Variants in PRKAB2 observed in about 807,000 individuals in gnomAD.
PRKAB2 encodes 5'-AMP-activated protein kinase subunit beta-2.
Under a neutral mutation model 29.8 loss-of-function variants are expected in PRKAB2, and 18 were observed. The observed-to-expected ratio is 0.60, with a 90% CI of 0.42 to 0.89. The LOEUF (loss-of-function observed/expected upper bound fraction) is 0.89. Among genes scored for constraint, PRKAB2 ranks in the 40% least tolerant of loss-of-function variants. The probability of loss-of-function intolerance (pLI) is 0.00; values close to 1 mark genes in which losing one functional copy is unlikely to be tolerated. For synonymous variants in PRKAB2, 136 were observed against 125.9 expected, an observed-to-expected ratio of 1.08 and a Z score of -0.54; for missense variants, 270 against 344.3, an observed-to-expected ratio of 0.78 and a Z score of 1.71.
chr1:147,159,277 G>A lies in PRKAB2; in HGVS notation c.*288C>T. 1 of 378,882 alleles carries A rather than the reference G, an allele frequency of 2.6e-6. No individual in the cohort carries two copies. Among genetic ancestry groups the A allele is most frequent in the Non-Finnish European group, 4.7e-6 (1 of 210,628 alleles). 23.5% of individuals were successfully genotyped at this position (378,882 alleles called of 1,614,324 possible). On this transcript the variant is annotated 3_prime_UTR_variant, in exon 8 of 8. Coordinates refer to ENST00000254101, the MANE Select transcript of PRKAB2 (RefSeq NM_005399.5). Reference sequence around the variant, plus strand: ...TTATTCCTGCAGCGCCCCCAAACAGGTCTTGGTGAAAACCCACAGGCAGAA... The same window carrying A: ...TTATTCCTGCAGCGCCCCCAAACAGATCTTGGTGAAAACCCACAGGCAGAA...
intron 7 of PRKAB2, among the ~76,000 whole-genome samples, chr1:147,159,861 A>G (rs1383125160): frequency 1.3e-5 from 2 of 152,120 alleles, no homozygotes; most frequent in Non-Finnish European, 2.9e-5. Context: ...TTATCTCATC[A>G]TTACAAAAGA....
intron 7 of PRKAB2, 46 bp from the exon 8 acceptor site, chr1:147,159,688 G>A: frequency 6.5e-7 from 1 of 1,534,300 alleles, no homozygotes; most frequent in Non-Finnish European, 9.0e-7. Flanking sequence ...ACTTCAGACA[G>A]TAGGTAGCTC....
At chr1:147,170,949 A>G (rs1654511111) in intron 2 of PRKAB2, among the ~76,000 whole-genome samples, 1 of 152,176 alleles carries the variant, frequency 6.6e-6, no homozygotes, top group Non-Finnish European at 1.5e-5. Context: ...TGCTACCAAT[A>G]TGGCAAACAA....
intron 5 of PRKAB2, among the ~76,000 whole-genome samples, chr1:147,163,737 G>A (rs587684625): frequency 6.6e-6 from 1 of 152,100 alleles, no homozygotes; most frequent in East Asian, 1.9e-4. Context: ...TTATTCTGCG[G>A]GTGATAAAAA....
intron 5 of PRKAB2, 53 bp from the exon 6 acceptor site, chr1:147,162,626 C>A (rs1553913221): frequency 1.3e-6 from 2 of 1,525,062 alleles, no homozygotes; most frequent in African/African-American, 1.4e-5. Context: ...AGCAAGAATG[C>A]ATGGAAAAAG....
chr1:147,169,387 G>C (rs1654405697), intron 2 of PRKAB2, among the ~76,000 whole-genome samples: 1 of 152,150 alleles, frequency 6.6e-6, no homozygotes, highest in Non-Finnish European at 1.5e-5. Flanking sequence ...CATATTCTCA[G>C]AACAATGCAC....
rs1653848680 is a variant in PRKAB2 at position 147,159,595 on chromosome 1, A to G, written c.789T>C (p.Tyr263=). The G allele has an allele frequency of 6.2e-7, 1 of 1,613,450 alleles. No homozygotes were observed. Among genetic ancestry groups the G allele is most frequent in the Non-Finnish European group, 8.5e-7 (1 of 1,179,696 alleles). Residue 263 remains tyrosine, a synonymous_variant, in exon 8 of 8, where the codon TAT becomes TAC. Coordinates refer to ENST00000254101, the MANE Select transcript of PRKAB2 (RefSeq NM_005399.5). The part of the protein sequence containing the change: ...LSATHRYKKK[Y]VTTLLYKPI ...TGGGCTTGTATAGCAGAGTAGTAAC[A>G]TACTTCTTCTTGTAGCGATGGGTTG...
In PRKAB2 at chr1:147,159,360, T is replaced by A. The variant is rs587659739; in HGVS notation, c.*205A>T. ...ATTTACCTTCTTCTCATATGTATAT[T>A]TTTTTTTCTTAAAATAAATTCCGTG... On this transcript the variant is annotated 3_prime_UTR_variant, in exon 8 of 8. Transcript: ENST00000254101. The A allele has an allele frequency of 1.4e-4, 75 of 521,694 alleles. No individual in the cohort carries two copies. The highest frequency in any genetic ancestry group is 1.9e-4 in the South Asian group (6 of 32,402). 32.3% of individuals were successfully genotyped at this position (521,694 alleles called of 1,614,324 possible).
chr1:147,167,972 AC>A, intron 2 of PRKAB2, 39 bp from the exon 3 acceptor site: 1 of 1,573,900 alleles, frequency 6.4e-7, no homozygotes, highest in Non-Finnish European at 8.6e-7. Flanking sequence ...ATAAACTGTG[AC>A]CCAAGAATTC....
chr1:147,166,412 T>G, intron 5 of PRKAB2, 86 bp downstream of exon 5: 1 of 1,392,664 alleles, frequency 7.2e-7, no homozygotes, highest in African/African-American at 1.5e-5. Flanking sequence ...TCTCTCTCCC[T>G]CTATATGTAT....
chr1:147,164,190 C>T (rs1408494300), intron 5 of PRKAB2, among the ~76,000 whole-genome samples: 2 of 152,074 alleles, frequency 1.3e-5, no homozygotes, highest in African/African-American at 2.4e-5. Context: ...CCTCCCACTT[C>T]GGCCTCCCAA....
chr1:147,166,374 T>C (rs1654250113), intron 5 of PRKAB2, 124 bp downstream of exon 5: 1 of 1,032,144 alleles, frequency 9.7e-7, no homozygotes, highest in African/African-American at 1.6e-5. Context: ...TCTCTGTCTC[T>C]CTCTCTCCTC....
intron 2 of PRKAB2, among the ~76,000 whole-genome samples, chr1:147,170,714 G>A (rs1232571126): frequency 6.6e-6 from 1 of 152,034 alleles, no homozygotes; most frequent in Non-Finnish European, 1.5e-5. Context: ...CGAGTAGCTG[G>A]GACTACAGGC....
intron 6 of PRKAB2, among the ~76,000 whole-genome samples, chr1:147,162,158 C>T (rs587674193): frequency 2.0e-5 from 3 of 152,238 alleles, no homozygotes; most frequent in Admixed American, 6.5e-5. Context: ...TTCTTTTGTA[C>T]ACCCCCAAAT....
rs1553913101 is a variant in PRKAB2 at position 147,161,740 on chromosome 1, A to G, written c.713T>C (p.Leu238Pro). The change falls in exon 7 of 8, where the codon CTG (leucine) becomes CCG (proline). Residue 238 changes from leucine (L) to proline (P), a missense_variant. Transcript: ENST00000254101. ...AATGGACAATGCATAGAGATGGTTC[A>G]GCATAACATGGTTGGGCTCAGGGAG... ...ALLPEPNHVM[L>P]NHLYALSIKD... The G allele has an allele frequency of 6.2e-7, 1 of 1,613,202 alleles. No individual in the cohort carries two copies. Among genetic ancestry groups the G allele is most frequent in the Non-Finnish European group, 8.5e-7 (1 of 1,179,296 alleles).
At chr1:147,167,025 T>C in intron 3 of PRKAB2, 86 bp from the exon 4 acceptor site, 1 of 1,119,674 alleles carries the variant, frequency 8.9e-7, no homozygotes. Context: ...TAGTATCATA[T>C]GAATAATTTC....
rs1571050988 is a variant in PRKAB2 at position 147,159,518 on chromosome 1, C to T, written c.*47G>A. ...GTAAGACTGGTTCAGTCCAGAAATGCAAGGGAGATGCTTCTCCTGAATCCT... is the reference window on the plus strand; with the variant it reads ...GTAAGACTGGTTCAGTCCAGAAATGTAAGGGAGATGCTTCTCCTGAATCCT... On this transcript the variant is annotated 3_prime_UTR_variant, in exon 8 of 8. Transcript: ENST00000254101. The T allele has an allele frequency of 6.5e-7, 1 of 1,545,932 alleles. No homozygotes were observed. The highest frequency in any genetic ancestry group is 8.9e-7 in the Non-Finnish European group (1 of 1,120,140).
Position 147,155,141 on chromosome 1 carries a change from G to GA in PRKAB2, c.*4423dup, listed in dbSNP as rs1653611431. ...ATAATACTTTTATTAAAGTTTTATG[G>GA]AAAAAACCCACAACATTTCTGTATG... On this transcript the variant is annotated 3_prime_UTR_variant, in exon 8 of 8. Coordinates refer to ENST00000254101, the MANE Select transcript of PRKAB2 (RefSeq NM_005399.5). 6.6e-6 allele frequency: 1 copy of GA among 152,368 alleles called. No homozygotes were observed. Among genetic ancestry groups the GA allele is most frequent in the African/African-American group, 2.4e-5 (1 of 41,496 alleles). 9.4% of individuals were successfully genotyped at this position (152,368 alleles called of 1,614,324 possible).
chr1:147,164,894 G>T (rs1553913485), intron 5 of PRKAB2, among the ~76,000 whole-genome samples: 3 of 152,128 alleles, frequency 2.0e-5, no homozygotes, highest in African/African-American at 7.2e-5. Flanking sequence ...GCAAAAATTA[G>T]TCACAAGTAT....
Sources: allele counts gnomAD v4.1 joint callset (sites outside exome capture counted in the v4.1 genomes callset), GRCh38; gene constraint gnomAD v4.1.1; transcripts MANE v1.5; gene names NCBI Gene and HGNC (gene_info 2026-07-23, HGNC 2026-07-21).